TMEM108: variants seen among roughly 807,000 people sequenced by gnomAD.
TMEM108 encodes transmembrane protein 108.
A neutral mutation model predicts 35.1 loss-of-function variants in TMEM108; 12 were observed. The ratio of observed to expected loss-of-function variants is 0.34; its 90% CI spans 0.22 to 0.55. The LOEUF (loss-of-function observed/expected upper bound fraction) is 0.55. Ranked by LOEUF, TMEM108 falls within the 20% of genes least tolerant of loss-of-function variation. TMEM108 has a pLI of 0.89. For synonymous variants in TMEM108, 287 were observed against 308.6 expected (o/e 0.93, Z 0.73); for missense variants, 680 against 753.3 (o/e 0.90, Z 1.14).
chr3:133,178,675 C>T (rs945866491), intron 2 of TMEM108, among the ~76,000 whole-genome samples: 9 of 152,206 alleles, frequency 5.9e-5, no homozygotes, highest in African/African-American at 2.2e-4. Flanking sequence ...GGATTAAAGA[C>T]TTAAATGTTA....
chr3:133,144,167 C>T (rs1944681790), intron 2 of TMEM108, among the ~76,000 whole-genome samples: 1 of 151,992 alleles, frequency 6.6e-6, no homozygotes, highest in African/African-American at 2.4e-5. Context: ...GTTCCCCTCC[C>T]TGTGTCCATG....
chr3:133,218,095 A>G (rs776805833), intron 2 of TMEM108, among the ~76,000 whole-genome samples: 6 of 151,984 alleles, frequency 3.9e-5, no homozygotes, highest in Non-Finnish European at 8.8e-5. Context: ...TTCTTTCATT[A>G]ATAGTTTGTA....
At chr3:133,387,466 C>G in intron 4 of TMEM108, 3 of 985,468 alleles carry the variant, frequency 3.0e-6, no homozygotes, top group Non-Finnish European at 1.2e-6. Flanking sequence ...ACTTTCTGTT[C>G]TGACTCCCAG....
chr3:133,351,377 G>C (rs1273944565), intron 3 of TMEM108, among the ~76,000 whole-genome samples: 1 of 152,106 alleles, frequency 6.6e-6, no homozygotes. Flanking sequence ...TCTCCCACCG[G>C]CTCCTTCCTC....
chr3:133,206,281 C>T (rs58814497), intron 2 of TMEM108, among the ~76,000 whole-genome samples: 2,287 of 152,216 alleles, frequency 0.015, 77 homozygotes, highest in African/African-American at 0.051. Flanking sequence ...TATTACCCAC[C>T]TTCTGAAGCC....
At chr3:133,212,881 G>GGAAAA (rs1559870170) in intron 2 of TMEM108, among the ~76,000 whole-genome samples, 1 of 85,672 alleles carries the variant, frequency 1.2e-5, no homozygotes, top group Non-Finnish European at 2.2e-5. Context: ...AAAAAAAAAA[G>GGAAAA]GAAAAAAAAA....
Position 133,330,134 on chromosome 3 carries a change from C to G in TMEM108, c.41-49618C>G, listed in dbSNP as rs533318860. Among the ~76,000 whole-genome samples the G allele has an allele frequency of 1.4e-4, 22 of 152,310 alleles. 1 individual carries two copies. The South Asian group carries it at 4.3e-3, about 30-fold the overall frequency. ...CCCTGAAATGTGCTAGATCAGTTCC[C>G]TTGATGAAGACAACTTTTTAAAAAA... is the stretch of plus-strand genomic sequence containing the variant. On this transcript the variant is annotated intron_variant, in intron 3 of 5. Transcript: ENST00000321871.
intron 2 of TMEM108, among the ~76,000 whole-genome samples, chr3:133,069,542 G>C (rs1943651590): frequency 6.6e-6 from 1 of 152,108 alleles, no homozygotes; most frequent in Non-Finnish European, 1.5e-5. Flanking sequence ...AGGAACTTAA[G>C]GTCCAGTTCA....
intron 2 of TMEM108, among the ~76,000 whole-genome samples, chr3:133,148,422 T>C (rs543073388): frequency 6.6e-6 from 1 of 152,336 alleles, no homozygotes; most frequent in East Asian, 1.9e-4. Context: ...TCTGGTTTTG[T>C]TGTGGTAGTA....
intron 3 of TMEM108, among the ~76,000 whole-genome samples, chr3:133,277,315 C>T (rs1282709065): frequency 6.6e-6 from 1 of 150,922 alleles, no homozygotes; most frequent in Non-Finnish European, 1.5e-5. Context: ...TCAAATGGCT[C>T]AGAAAAAAAA....
intron 3 of TMEM108, among the ~76,000 whole-genome samples, chr3:133,306,209 G>C (rs1293844836): frequency 6.6e-6 from 1 of 152,084 alleles, no homozygotes; most frequent in Admixed American, 6.5e-5. Flanking sequence ...ATTATCTCCT[G>C]TATTTACTTC....
At chr3:133,096,961 C>G (rs933462586) in intron 2 of TMEM108, among the ~76,000 whole-genome samples, 1 of 152,224 alleles carries the variant, frequency 6.6e-6, no homozygotes, top group Admixed American at 6.5e-5. Context: ...AGCCAGTTGT[C>G]TGTGTTAGTA....
intron 2 of TMEM108, among the ~76,000 whole-genome samples, chr3:133,117,768 C>T (rs200601471): frequency 2.0e-4 from 30 of 152,002 alleles, no homozygotes; most frequent in Non-Finnish European, 8.8e-5. Flanking sequence ...TTGGGTGCAC[C>T]GGGTTTGGAA....
chr3:133,291,228 GA>G (rs1947063782), intron 3 of TMEM108, among the ~76,000 whole-genome samples: 2 of 150,138 alleles, frequency 1.3e-5, no homozygotes, highest in Non-Finnish European at 3.0e-5. Flanking sequence ...AATACCAGAA[GA>G]AAAAACAAGT....
chr3:133,165,710 G>A (rs896910881), intron 2 of TMEM108, among the ~76,000 whole-genome samples: 5 of 152,182 alleles, frequency 3.3e-5, no homozygotes, highest in African/African-American at 1.2e-4. Context: ...GACCCACTTC[G>A]GAGGAGGTGC....
chr3:133,324,663 A>C (rs1205815137), intron 3 of TMEM108, among the ~76,000 whole-genome samples: 1 of 152,232 alleles, frequency 6.6e-6, no homozygotes, highest in Non-Finnish European at 1.5e-5. Context: ...CAATCTCACT[A>C]CTGGGTATCC....
rs550133909 is a variant in TMEM108, at chr3:133,165,085, A to G, written c.-46-64181A>G. On this transcript the variant is annotated intron_variant, in intron 2 of 5. Transcript: ENST00000321871. The stretch of plus-strand genomic sequence containing the variant: ...ATGCCATTTGATTCTCTTAGAAGCT[A>G]TTCTTCTGTGTCATCATTGAACACC... Among the ~76,000 whole-genome samples the G allele has an allele frequency of 2.2e-4, 33 of 152,348 alleles. No homozygotes were observed. The South Asian group carries it at 6.2e-3, about 29-fold the overall frequency.
At chr3:133,211,023 G>C (rs1012140221) in intron 2 of TMEM108, among the ~76,000 whole-genome samples, 3 of 151,942 alleles carry the variant, frequency 2.0e-5, no homozygotes, top group African/African-American at 7.2e-5. Context: ...CTAAGAACGG[G>C]GAATGAGGCC....
chr3:133,392,800 T>C (rs932114253), intron 5 of TMEM108, among the ~76,000 whole-genome samples: 9 of 152,330 alleles, frequency 5.9e-5, no homozygotes, highest in Non-Finnish European at 1.3e-4. Context: ...CCTGCACCTC[T>C]GCCCCTGATC....
Sources: gnomAD v4.1 joint callset for allele counts (sites outside exome capture counted in the v4.1 genomes callset) on GRCh38, gnomAD v4.1.1 for gene constraint, MANE v1.5 for transcripts, NCBI Gene and HGNC (gene_info 2026-07-23, HGNC 2026-07-21) for gene names.